TMEM178B: variants seen among roughly 807,000 people sequenced by gnomAD.
TMEM178B encodes transmembrane protein 178B.
A neutral mutation model predicts 31.0 loss-of-function variants in TMEM178B; 5 were observed. That is an observed-to-expected ratio of 0.16 (90% CI 0.08 to 0.34). The LOEUF is 0.34. TMEM178B is among the 10% of genes least tolerant of loss of function. The pLI is 1.00. For missense variants in TMEM178B, 275 were observed against 400.3 expected, an observed-to-expected ratio of 0.69 and a Z score of 2.67; for synonymous variants, 164 against 164.0, an observed-to-expected ratio of 1.00 and a Z score of 0.00.
At chr7:141,371,425 C>T (rs1800114357) in intron 2 of TMEM178B, among the ~76,000 whole-genome samples, 2 of 152,182 alleles carry the variant, frequency 1.3e-5, no homozygotes, top group African/African-American at 4.8e-5. Flanking sequence ...ACGCAGACAC[C>T]AGTGCCGTGC....
intron 2 of TMEM178B, among the ~76,000 whole-genome samples, chr7:141,407,211 A>C (rs2116628434): frequency 6.6e-6 from 1 of 152,336 alleles, no homozygotes; most frequent in South Asian, 2.1e-4. Context: ...TTCTGCTCTG[A>C]GCTGTTGACG....
intron 1 of TMEM178B, among the ~76,000 whole-genome samples, chr7:141,144,630 C>T (rs1280074579): frequency 2.0e-5 from 3 of 152,114 alleles, no homozygotes; most frequent in Non-Finnish European, 4.4e-5. Flanking sequence ...CTAAAGGATA[C>T]TGGCTTGCAG....
At chr7:141,219,458 G>T (rs896686439) in intron 2 of TMEM178B, among the ~76,000 whole-genome samples, 1 of 152,172 alleles carries the variant, frequency 6.6e-6, no homozygotes, top group African/African-American at 2.4e-5. Flanking sequence ...GCTGCCTCTT[G>T]CTTGCAAGAC....
chr7:141,147,207 C>T (rs915962757), intron 1 of TMEM178B, among the ~76,000 whole-genome samples: 2 of 152,080 alleles, frequency 1.3e-5, no homozygotes, highest in South Asian at 2.1e-4. Flanking sequence ...TCCTCCCCTT[C>T]CCTCCCTCCG....
At chr7:141,356,843 C>G (rs1307601808) in intron 2 of TMEM178B, among the ~76,000 whole-genome samples, 1 of 152,024 alleles carries the variant, frequency 6.6e-6, no homozygotes, top group East Asian at 1.9e-4. Flanking sequence ...CCAACATATT[C>G]TCTGGATCCT....
chr7:141,461,981 C>G lies in TMEM178B; in HGVS notation c.635-8555C>G, dbSNP rs1035669937. Among the ~76,000 whole-genome samples the G allele has an allele frequency of 6.6e-6, 1 of 152,220 alleles. No homozygotes were observed. The highest frequency in any genetic ancestry group is 1.5e-5 in the Non-Finnish European group (1 of 68,048). The stretch of plus-strand genomic sequence containing the variant: ...ACAGTGCTATCCCTACCTGGCACTT[C>G]TAACATTAGCGACGCATTCCAGGGA... On this transcript the variant is annotated intron_variant, in intron 3 of 3. Transcript: ENST00000565468. This position sits in a 1 kb window ranked among gnomAD's most constrained non-coding sequence, Gnocchi z 4.0.
At chr7:141,329,166 G>A (rs116899946) in intron 2 of TMEM178B, among the ~76,000 whole-genome samples, 1,809 of 152,228 alleles carry the variant, frequency 0.012, 17 homozygotes, top group Non-Finnish European at 0.018. Context: ...TCCCTCCAGC[G>A]TCCAACCTGA....
intron 2 of TMEM178B, among the ~76,000 whole-genome samples, chr7:141,220,664 G>C (rs186865774): frequency 6.6e-6 from 1 of 152,266 alleles, no homozygotes; most frequent in Admixed American, 6.5e-5. Flanking sequence ...TCATGTGAAC[G>C]CACAGGTCCA....
At chr7:141,411,787 C>T (rs1800994694) in intron 2 of TMEM178B, among the ~76,000 whole-genome samples, 1 of 152,192 alleles carries the variant, frequency 6.6e-6, no homozygotes, top group Non-Finnish European at 1.5e-5. Flanking sequence ...TGACATTTTT[C>T]TTACAAATAG....
intron 1 of TMEM178B, among the ~76,000 whole-genome samples, chr7:141,172,305 G>C (rs1160958194): frequency 6.6e-6 from 1 of 152,196 alleles, no homozygotes; most frequent in African/African-American, 2.4e-5. Flanking sequence ...ATCTGCTGCT[G>C]CCTGGGAGGA....
intron 2 of TMEM178B, among the ~76,000 whole-genome samples, chr7:141,402,640 A>T (rs1347304573): frequency 6.6e-6 from 1 of 152,242 alleles, no homozygotes; most frequent in Admixed American, 6.5e-5. Flanking sequence ...CAGTTGCCTG[A>T]AGACGGGAGG....
At chr7:141,213,461 C>G (rs1484256098) in intron 2 of TMEM178B, among the ~76,000 whole-genome samples, 1 of 152,196 alleles carries the variant, frequency 6.6e-6, no homozygotes, top group Non-Finnish European at 1.5e-5. Flanking sequence ...CTGACACATT[C>G]CTACTGTCAG....
intron 2 of TMEM178B, among the ~76,000 whole-genome samples, chr7:141,432,228 C>G (rs1801448094): frequency 7.6e-6 from 1 of 132,336 alleles, no homozygotes; most frequent in African/African-American, 2.8e-5. Context: ...GATATTGGCT[C>G]ACTGCAACCT....
intron 2 of TMEM178B, chr7:141,414,483 C>G (rs578235303): frequency 2.2e-4 from 34 of 151,986 alleles, no homozygotes; most frequent in African/African-American, 8.0e-4. Context: ...AGGTCGTTTT[C>G]AGTCTTCACA....
At chr7:141,360,930 T>C (rs1799907907) in intron 2 of TMEM178B, among the ~76,000 whole-genome samples, 1 of 152,074 alleles carries the variant, frequency 6.6e-6, no homozygotes, top group Admixed American at 6.6e-5. Flanking sequence ...TTGGTAATTC[T>C]TGGGAGCTGT....
At chr7:141,164,873 T>C (rs1796234603) in intron 1 of TMEM178B, among the ~76,000 whole-genome samples, 1 of 152,162 alleles carries the variant, frequency 6.6e-6, no homozygotes, top group Admixed American at 6.5e-5. Flanking sequence ...GACTTCAGGG[T>C]CACCTCATGG....
chr7:141,379,844 T>C (rs982050094), intron 2 of TMEM178B, among the ~76,000 whole-genome samples: 1 of 152,220 alleles, frequency 6.6e-6, no homozygotes, highest in Non-Finnish European at 1.5e-5. Context: ...TGAAGGCTTC[T>C]GGTTCAGGCT....
At chr7:141,487,741 CAAAAAAAAAAAAAA>C in the TMEM178B span, among the ~76,000 whole-genome samples, 1 of 30,250 alleles carries the variant, frequency 3.3e-5, no homozygotes, top group African/African-American at 7.6e-5. Context: ...GACTCCGTCT[CAAAAAAAAAAAAAA>C]AAAAAAAAAA....
chr7:141,316,158 A>C (rs1799002250), intron 2 of TMEM178B, among the ~76,000 whole-genome samples: 2 of 152,200 alleles, frequency 1.3e-5, no homozygotes, highest in African/African-American at 4.8e-5. Flanking sequence ...TTCAGGCACA[A>C]CTTGGCCCTG....
Sources: allele counts gnomAD v4.1 joint callset (sites outside exome capture counted in the v4.1 genomes callset), GRCh38; gene constraint gnomAD v4.1.1; non-coding constraint Gnocchi (gnomAD v3.1); transcripts MANE v1.5; gene names NCBI Gene and HGNC (gene_info 2026-07-23, HGNC 2026-07-21).